TENM4: variants seen among roughly 807,000 people sequenced by gnomAD.
The protein encoded by TENM4 is teneurin transmembrane protein 4, also known as teneurin-4.
Under a neutral mutation model 243.3 loss-of-function variants are expected in TENM4, and 82 were observed. That is an observed-to-expected ratio of 0.34 (90% CI 0.28 to 0.40). The LOEUF (loss-of-function observed/expected upper bound fraction) is 0.40. Among genes scored for constraint, TENM4 ranks in the 10% least tolerant of loss-of-function variants. The pLI, the probability that TENM4 is intolerant of heterozygous loss-of-function variation, is 1.00. For missense variants in TENM4, 3,138 were observed against 3,673.3 expected, an observed-to-expected ratio of 0.85 and a Z score of 3.77; for synonymous variants, 1,412 against 1,456.3, an observed-to-expected ratio of 0.97 and a Z score of 0.69.
chr11:78,712,436 T>C (rs1416053868), intron 26 of TENM4, 46 bp downstream of exon 26: 2 of 1,557,916 alleles, frequency 1.3e-6, no homozygotes, highest in Non-Finnish European at 1.8e-6. Context: ...AAAAGGAAAA[T>C]ACCCCAATAA....
At chr11:79,153,858 C>T (rs1862554337) in intron 3 of TENM4, among the ~76,000 whole-genome samples, 1 of 152,096 alleles carries the variant, frequency 6.6e-6, no homozygotes, top group African/African-American at 2.4e-5. Context: ...AGACCCTCAT[C>T]CTCTCACTCG....
chr11:78,862,435 T>C (rs1858846023), intron 10 of TENM4, among the ~76,000 whole-genome samples: 1 of 152,212 alleles, frequency 6.6e-6, no homozygotes, highest in Non-Finnish European at 1.5e-5. Flanking sequence ...CTAATGATTA[T>C]TGTTATTATT....
chr11:78,922,215 T>C (rs145322838), intron 6 of TENM4, among the ~76,000 whole-genome samples: 104 of 152,244 alleles, frequency 6.8e-4, no homozygotes, highest in Non-Finnish European at 8.7e-4. Context: ...CAGAATTAAA[T>C]GATAGGGACA....
At chr11:78,839,564 G>C (rs1010362465) in intron 12 of TENM4, among the ~76,000 whole-genome samples, 4 of 151,552 alleles carry the variant, frequency 2.6e-5, no homozygotes, top group African/African-American at 9.7e-5. Context: ...TTTTCTCTAG[G>C]AATACAAACA....
chr11:79,269,715 C>A (rs948980731), intron 2 of TENM4: 2 of 152,194 alleles, frequency 1.3e-5, no homozygotes, highest in Admixed American at 1.3e-4. Flanking sequence ...GCCAGCCTGG[C>A]ATTTATTTGT....
intron 1 of TENM4, among the ~76,000 whole-genome samples, chr11:79,383,481 G>A (rs149773864): frequency 6.6e-6 from 1 of 152,284 alleles, no homozygotes; most frequent in Non-Finnish European, 1.5e-5. Flanking sequence ...TTTCTGATGA[G>A]AATCTGACAA....
At chr11:79,437,707 C>T (rs1380760806) in intron 1 of TENM4, among the ~76,000 whole-genome samples, 7 of 152,146 alleles carry the variant, frequency 4.6e-5, no homozygotes, top group African/African-American at 1.7e-4. Flanking sequence ...GATGCGCGGG[C>T]CCGGCTCGCC....
In TENM4 at chr11:78,924,238, A is replaced by G. The variant is rs368340206; in HGVS notation, c.494-20715T>C. Among the ~76,000 whole-genome samples the G allele has an allele frequency of 1.1e-4, 16 of 152,326 alleles. No homozygotes were observed. The South Asian group carries it at 2.9e-3, about 28-fold the overall frequency. On this transcript the variant is annotated intron_variant, in intron 6 of 33. Transcript: ENST00000278550. ...CAAGCACATGGTCCACAGTGCTGCT[A>G]GCAGCCACCCTACAACAAGGGGAAA...
intron 2 of TENM4, among the ~76,000 whole-genome samples, chr11:79,288,593 C>A (rs1419689119): frequency 6.6e-6 from 1 of 152,214 alleles, no homozygotes; most frequent in Non-Finnish European, 1.5e-5. Flanking sequence ...CTTTGGGAGA[C>A]AACAGACCTA....
At chr11:79,124,802 T>C (rs1222321146) in intron 4 of TENM4, among the ~76,000 whole-genome samples, 1 of 146,292 alleles carries the variant, frequency 6.8e-6, no homozygotes, top group Non-Finnish European at 1.5e-5. Flanking sequence ...TATATGTATA[T>C]GTATGTGTAT....
In TENM4 at chr11:78,669,352, G is replaced by A; in HGVS notation, c.6993C>T (p.Ser2331=). Residue 2331 remains serine (S), a synonymous_variant, in exon 32 of 34, where the codon AGC becomes AGT. Transcript: ENST00000278550. This position sits in a 1 kb window ranked among gnomAD's most constrained non-coding sequence, Gnocchi z 6.4. ...CGTAGTAGAGGGAGGTGATCTCAGAGCTGGAGTGGTTGTACAGGTGGGTGA... is the reference window on the plus strand; with the variant it reads ...CGTAGTAGAGGGAGGTGATCTCAGAACTGGAGTGGTTGTACAGGTGGGTGA... The part of the protein sequence containing the change: ...TKVTHLYNHS[S]SEITSLYYDL... 1 of 1,613,856 alleles carries A rather than the reference G, an allele frequency of 6.2e-7. No homozygotes were observed. The highest frequency in any genetic ancestry group is 1.1e-5 in the South Asian group (1 of 91,052).
chr11:79,355,803 G>T (rs1565312608), intron 1 of TENM4, among the ~76,000 whole-genome samples: 1 of 152,186 alleles, frequency 6.6e-6, no homozygotes, highest in Non-Finnish European at 1.5e-5. Flanking sequence ...CATATAGCTA[G>T]CTGGCTTTAA....
At chr11:79,273,767 G>A (rs968326546) in intron 2 of TENM4, among the ~76,000 whole-genome samples, 1 of 152,132 alleles carries the variant, frequency 6.6e-6, no homozygotes, top group East Asian at 1.9e-4. Flanking sequence ...CTGTAAATGC[G>A]CTGTAAATGC....
intron 3 of TENM4, among the ~76,000 whole-genome samples, chr11:79,169,180 A>G (rs1862985043): frequency 6.6e-6 from 1 of 152,238 alleles, no homozygotes; most frequent in Non-Finnish European, 1.5e-5. Flanking sequence ...CTAGATTAAC[A>G]GAATTGCCCA....
At chr11:79,213,126 G>T (rs1175610712) in intron 3 of TENM4, among the ~76,000 whole-genome samples, 1 of 152,162 alleles carries the variant, frequency 6.6e-6, no homozygotes, top group Non-Finnish European at 1.5e-5. Context: ...CAGAGTGAGT[G>T]CATGAAAAGT....
chr11:79,347,906 A>G (rs1857354235), intron 1 of TENM4, among the ~76,000 whole-genome samples: 1 of 149,842 alleles, frequency 6.7e-6, no homozygotes. Flanking sequence ...CAGCCTCCCC[A>G]GTAGCTGGGA....
intron 6 of TENM4, among the ~76,000 whole-genome samples, chr11:79,057,265 C>T (rs1314065032): frequency 6.6e-6 from 1 of 152,162 alleles, no homozygotes; most frequent in African/African-American, 2.4e-5. Flanking sequence ...CTGGCCTGCA[C>T]ACACCCCTAC....
intron 19 of TENM4, among the ~76,000 whole-genome samples, chr11:78,745,093 C>T (rs1856016436): frequency 6.6e-6 from 1 of 152,106 alleles, no homozygotes; most frequent in South Asian, 2.1e-4. Context: ...TTGGTTAACA[C>T]TAGATTTTAT....
intron 12 of TENM4, among the ~76,000 whole-genome samples, chr11:78,849,576 T>C (rs916752051): frequency 1.3e-5 from 2 of 152,192 alleles, no homozygotes; most frequent in African/African-American, 4.8e-5. Flanking sequence ...AGGTGTTCTG[T>C]AAATATTTGC....
Sources: allele counts gnomAD v4.1 joint callset (sites outside exome capture counted in the v4.1 genomes callset), GRCh38; gene constraint gnomAD v4.1.1; non-coding constraint Gnocchi (gnomAD v3.1); transcripts MANE v1.5; gene names NCBI Gene and HGNC (gene_info 2026-07-23, HGNC 2026-07-21).